MCTP1: variants seen among roughly 807,000 people sequenced by gnomAD.
MCTP1 encodes multiple C2 and transmembrane domain-containing protein 1.
In MCTP1, 69 loss-of-function variants were observed where a neutral mutation model predicts 120.6. The ratio of observed to expected loss-of-function variants is 0.57; its 90% CI spans 0.47 to 0.70. MCTP1 has a LOEUF of 0.70. MCTP1 is among the 30% of genes least tolerant of loss of function. The probability of loss-of-function intolerance (pLI) is 0.00; values close to 1 mark genes in which losing one functional copy is unlikely to be tolerated. For synonymous variants in MCTP1, 529 were observed against 493.1 expected (o/e 1.07, Z -0.96); for missense variants, 1,203 against 1,248.8 (o/e 0.96, Z 0.55).
chr5:94,993,997 G>T (rs868164291), intron 2 of MCTP1, among the ~76,000 whole-genome samples: 9 of 152,154 alleles, frequency 5.9e-5, no homozygotes, highest in Admixed American at 3.9e-4. Context: ...AAGTCAAGCA[G>T]ATGTCAACCT....
intron 19 of MCTP1, among the ~76,000 whole-genome samples, chr5:94,752,464 T>A (rs989875043): frequency 6.6e-6 from 1 of 151,928 alleles, no homozygotes; most frequent in Non-Finnish European, 1.5e-5. Flanking sequence ...GTAGGCTGAG[T>A]TTGCAAGTGC....
chr5:95,183,003 G>A (rs1748778595), intron 1 of MCTP1, among the ~76,000 whole-genome samples: 1 of 149,260 alleles, frequency 6.7e-6, no homozygotes, highest in South Asian at 2.1e-4. Context: ...TCCAGCCTGG[G>A]TGATAGAGCA....
At chr5:94,756,271 C>A (rs1300983604) in intron 19 of MCTP1, among the ~76,000 whole-genome samples, 1 of 152,192 alleles carries the variant, frequency 6.6e-6, no homozygotes, top group Non-Finnish European at 1.5e-5. Flanking sequence ...GTTCCAGAAT[C>A]CATACTCTTA....
intron 2 of MCTP1, among the ~76,000 whole-genome samples, chr5:95,002,793 T>C (rs1833979996): frequency 6.6e-6 from 1 of 152,156 alleles, no homozygotes; most frequent in Non-Finnish European, 1.5e-5. Flanking sequence ...GAGTTAAGAC[T>C]TTGGGAGACT....
chr5:95,146,068 T>C (rs1043565928), intron 1 of MCTP1, among the ~76,000 whole-genome samples: 2 of 152,112 alleles, frequency 1.3e-5, no homozygotes, highest in Admixed American at 6.6e-5. Context: ...GAGGTTGTTA[T>C]TGGTCCGTTC....
intron 19 of MCTP1, among the ~76,000 whole-genome samples, chr5:94,737,931 G>A (rs1451762009): frequency 1.3e-5 from 2 of 152,096 alleles, no homozygotes; most frequent in African/African-American, 2.4e-5. Context: ...CACCTGCCTC[G>A]GCCTCCCAGA....
intron 20 of MCTP1, 93 bp downstream of exon 20, chr5:94,714,684 C>G: frequency 1.3e-6 from 1 of 791,110 alleles, no homozygotes; most frequent in Non-Finnish European, 2.3e-6. Flanking sequence ...AGGAGTGTCC[C>G]CTGCCAAAAA....
At chr5:94,862,681 T>C (rs1796034128) in intron 17 of MCTP1, among the ~76,000 whole-genome samples, 1 of 151,848 alleles carries the variant, frequency 6.6e-6, no homozygotes, top group South Asian at 2.1e-4. Flanking sequence ...GGGGGCCTTT[T>C]ATATAATTGC....
intron 1 of MCTP1, among the ~76,000 whole-genome samples, chr5:95,069,110 T>G (rs982298305): frequency 6.6e-6 from 1 of 152,186 alleles, no homozygotes; most frequent in Non-Finnish European, 1.5e-5. Flanking sequence ...GAGCCACATA[T>G]TTTCTCTCAA....
At chr5:94,802,652 T>C (rs58209835) in intron 17 of MCTP1, among the ~76,000 whole-genome samples, 21,544 of 152,084 alleles carry the variant, frequency 0.14, 2,349 homozygotes, top group African/African-American at 0.3. Context: ...GCCAAGACAA[T>C]GAAGGATCTG....
At chr5:95,211,443 A>G (rs1752360013) in intron 1 of MCTP1, among the ~76,000 whole-genome samples, 1 of 152,100 alleles carries the variant, frequency 6.6e-6, no homozygotes, top group East Asian at 1.9e-4. Flanking sequence ...CATCACTGAT[A>G]CCCTTTCTTC....
At position 95,002,217 on chromosome 5, in the gene MCTP1, T is replaced by C. The variant is rs1218212513; in HGVS notation, c.838+15150A>G. ...TCCAGGCAGAAGTTTGCTGCAGGGG[T>C]AGAGTCTTCCTGGAGAACCTCTGCT... On this transcript the variant is annotated intron_variant, in intron 2 of 22. Coordinates refer to ENST00000515393, the MANE Select transcript of MCTP1 (RefSeq NM_024717.7). 2.0e-5 allele frequency among the ~76,000 whole-genome samples: 3 copies of C among 152,124 alleles called. No homozygotes were observed. The East Asian group carries it at 5.8e-4, about 29-fold the overall frequency.
chr5:94,995,434 G>A (rs1038428813), intron 2 of MCTP1, among the ~76,000 whole-genome samples: 2 of 152,122 alleles, frequency 1.3e-5, no homozygotes, highest in African/African-American at 2.4e-5. Context: ...TAAGAACATC[G>A]TGTTAAATGA....
At chr5:94,901,898 G>A (rs755268624) in intron 10 of MCTP1, among the ~76,000 whole-genome samples, 1 of 152,058 alleles carries the variant, frequency 6.6e-6, no homozygotes, top group Non-Finnish European at 1.5e-5. Flanking sequence ...ATTTTTTAAC[G>A]TAAAAATAAG....
intron 5 of MCTP1, among the ~76,000 whole-genome samples, chr5:94,932,450 T>TAC (rs942528427): frequency 1.3e-5 from 2 of 152,034 alleles, no homozygotes; most frequent in Non-Finnish European, 2.9e-5. Flanking sequence ...CATCAGGGCC[T>TAC]ACAAATGCTT....
At chr5:95,215,172 C>T (rs1752900039) in intron 1 of MCTP1, among the ~76,000 whole-genome samples, 2 of 152,260 alleles carry the variant, frequency 1.3e-5, no homozygotes, top group East Asian at 1.9e-4. Flanking sequence ...TCCTACCTTC[C>T]TCTCTTCTCC....
intron 2 of MCTP1, among the ~76,000 whole-genome samples, chr5:95,000,441 CAT>C (rs1356110330): frequency 2.6e-5 from 4 of 152,114 alleles, no homozygotes; most frequent in Non-Finnish European, 5.9e-5. Flanking sequence ...CAGCTCCATA[CAT>C]GTTACTGCTT....
intron 19 of MCTP1, among the ~76,000 whole-genome samples, chr5:94,744,355 C>T (rs1207800805): frequency 6.6e-6 from 1 of 152,226 alleles, no homozygotes; most frequent in East Asian, 1.9e-4. Flanking sequence ...AGCCTCTGTA[C>T]TTCTAAAATG....
intron 17 of MCTP1, among the ~76,000 whole-genome samples, chr5:94,823,218 T>C (rs561516422): frequency 1.6e-4 from 25 of 152,322 alleles, no homozygotes; most frequent in Admixed American, 1.4e-3. Flanking sequence ...CTCAAGTTAA[T>C]TTTTGTATAA....
Sources: allele counts gnomAD v4.1 joint callset (sites outside exome capture counted in the v4.1 genomes callset), GRCh38; gene constraint gnomAD v4.1.1; transcripts MANE v1.5; gene names NCBI Gene and HGNC (gene_info 2026-07-23, HGNC 2026-07-21).